LRRC69: variants seen among roughly 807,000 people sequenced by gnomAD.
The protein encoded by LRRC69 is leucine rich repeat containing 69.
A neutral mutation model predicts 37.8 loss-of-function variants in LRRC69; 42 were observed. The observed-to-expected ratio is 1.11, with a 90% CI of 0.87 to 1.44. The LOEUF is 1.44. Among genes scored for constraint, LRRC69 ranks in the 40% most tolerant of loss-of-function variants. The pLI, the probability that LRRC69 is intolerant of heterozygous loss-of-function variation, is 0.00. For missense variants in LRRC69, 357 were observed against 401.9 expected (o/e 0.89, Z 0.96); for synonymous variants, 141 against 143.1 (o/e 0.99, Z 0.11).
chr8:91,187,745 C>T (rs1287051162), intron 5 of LRRC69, among the ~76,000 whole-genome samples: 1 of 152,198 alleles, frequency 6.6e-6, no homozygotes, highest in Non-Finnish European at 1.5e-5. Context: ...GGGACTATGT[C>T]TGACTCCTTC....
chr8:91,102,835 C>T, exon 1 of LRRC69: 1 of 1,543,760 alleles, frequency 6.5e-7, no homozygotes, highest in East Asian at 2.5e-5. Flanking sequence ...AGTTATGCAA[C>T]TTGACCCAGG....
intron 7 of LRRC69, among the ~76,000 whole-genome samples, chr8:91,210,570 C>G (rs62526738): frequency 8.4e-5 from 4 of 47,752 alleles, no homozygotes; most frequent in Non-Finnish European, 3.0e-4. Flanking sequence ...CAGACACACA[C>G]ACACACACAC....
chr8:91,209,322 G>C (rs1015933712), intron 7 of LRRC69, among the ~76,000 whole-genome samples: 2 of 152,046 alleles, frequency 1.3e-5, no homozygotes, highest in African/African-American at 4.8e-5. Context: ...CCAGCTACTC[G>C]GGAGACTGAG....
chr8:91,196,709 C>T (rs1403246151), intron 6 of LRRC69, among the ~76,000 whole-genome samples: 2 of 151,148 alleles, frequency 1.3e-5, no homozygotes, highest in African/African-American at 2.4e-5. Context: ...CTCCTTTAAG[C>T]ACTTCTCTGT....
chr8:91,118,003 T>C (rs1433556799), intron 1 of LRRC69, among the ~76,000 whole-genome samples: 2 of 151,834 alleles, frequency 1.3e-5, no homozygotes, highest in Non-Finnish European at 2.9e-5. Context: ...TGAAAGATTA[T>C]GTGAGAGAGA....
chr8:91,193,815 C>A (rs1382153623), intron 6 of LRRC69, among the ~76,000 whole-genome samples: 1 of 139,400 alleles, frequency 7.2e-6, no homozygotes, highest in African/African-American at 2.7e-5. Flanking sequence ...TTGACTTCCT[C>A]TTTTCCTAAT....
At chr8:91,102,747 T>C (rs1449131897) in exon 1 of LRRC69, 1 of 1,551,806 alleles carries the variant, frequency 6.4e-7, no homozygotes, top group Admixed American at 2.0e-5. Context: ...ATGACAAAGA[T>C]GCCCTCAGCA....
chr8:91,196,042 A>G (rs4735628), intron 6 of LRRC69, among the ~76,000 whole-genome samples: 2 of 152,118 alleles, frequency 1.3e-5, no homozygotes, highest in African/African-American at 2.4e-5. Context: ...CAGGCCTTGT[A>G]GTGACAAAAT....
intron 7 of LRRC69, among the ~76,000 whole-genome samples, chr8:91,215,958 G>A (rs965319383): frequency 1.3e-5 from 2 of 152,166 alleles, no homozygotes; most frequent in Non-Finnish European, 2.9e-5. Context: ...AAGGTGGTAC[G>A]AGAATTTCAT....
chr8:91,134,850 C>T (rs1813880715), intron 4 of LRRC69, among the ~76,000 whole-genome samples: 2 of 152,126 alleles, frequency 1.3e-5, no homozygotes, highest in African/African-American at 2.4e-5. Flanking sequence ...CTTAACCCTT[C>T]GTAACACTTC....
At chr8:91,114,807 A>C (rs1175978757) in intron 1 of LRRC69, among the ~76,000 whole-genome samples, 1 of 152,044 alleles carries the variant, frequency 6.6e-6, no homozygotes, top group Non-Finnish European at 1.5e-5. Flanking sequence ...TGCATTTCTT[A>C]GAATGTGTCC....
chr8:91,174,276 A>C, intron 5 of LRRC69, among the ~76,000 whole-genome samples: 1 of 152,216 alleles, frequency 6.6e-6, no homozygotes. Context: ...TTATATGAAA[A>C]GCTAAAAAAC....
intron 7 of LRRC69, among the ~76,000 whole-genome samples, chr8:91,209,278 A>C (rs556329389): frequency 2.6e-5 from 4 of 152,148 alleles, no homozygotes; most frequent in African/African-American, 9.6e-5. Context: ...AACACAAAAA[A>C]ATTAGCCAGA....
chr8:91,206,487 T>C (rs1586287611), intron 7 of LRRC69, among the ~76,000 whole-genome samples: 1 of 152,172 alleles, frequency 6.6e-6, no homozygotes, highest in East Asian at 1.9e-4. Context: ...GTTCACATTA[T>C]CATCTGGAAT....
At chr8:91,215,284 C>T (rs956641583) in intron 7 of LRRC69, among the ~76,000 whole-genome samples, 29 of 152,112 alleles carry the variant, frequency 1.9e-4, no homozygotes, top group Non-Finnish European at 5.9e-5. Flanking sequence ...CCATCTTATG[C>T]TCTTTTTCTA....
chr8:91,199,286 T>C (rs944832050), intron 6 of LRRC69, among the ~76,000 whole-genome samples: 4 of 152,180 alleles, frequency 2.6e-5, no homozygotes, highest in Admixed American at 2.0e-4. Context: ...GTAATATTAG[T>C]GTGAAAGCAT....
intron 5 of LRRC69, among the ~76,000 whole-genome samples, chr8:91,156,390 C>A (rs955852116): frequency 2.0e-5 from 3 of 150,880 alleles, no homozygotes; most frequent in Admixed American, 1.3e-4. Context: ...AATGTCTATT[C>A]AGATCCTTCA....
At chr8:91,152,161 C>G (rs765772805) in intron 5 of LRRC69, among the ~76,000 whole-genome samples, 5 of 151,504 alleles carry the variant, frequency 3.3e-5, no homozygotes, top group Non-Finnish European at 7.4e-5. Flanking sequence ...TCTATTTTTG[C>G]TTTTGTTGCC....
chr8:91,162,849 T>G (rs1808969366), intron 5 of LRRC69, among the ~76,000 whole-genome samples: 1 of 151,394 alleles, frequency 6.6e-6, no homozygotes, highest in South Asian at 2.1e-4. Flanking sequence ...TCTAGATATG[T>G]TCTCCTGATA....
Sources: gnomAD v4.1 joint callset for allele counts (sites outside exome capture counted in the v4.1 genomes callset) on GRCh38, gnomAD v4.1.1 for gene constraint, MANE v1.5 for transcripts, NCBI Gene and HGNC (gene_info 2026-07-23, HGNC 2026-07-21) for gene names.